ZNF675: variants seen among roughly 807,000 people sequenced by gnomAD.
ZNF675 encodes the protein zinc finger protein 675.
A neutral mutation model predicts 56.1 loss-of-function variants in ZNF675; 36 were observed. The ratio of observed to expected loss-of-function variants is 0.64; its 90% confidence interval spans 0.49 to 0.85. The LOEUF (loss-of-function observed/expected upper bound fraction) is 0.85. ZNF675 is among the 40% of genes least tolerant of loss of function. The pLI, the probability that ZNF675 is intolerant of heterozygous loss-of-function variation, is 0.00. For missense variants in ZNF675, 663 were observed against 654.2 expected (o/e 1.01, Z -0.15); for synonymous variants, 200 against 218.9 (o/e 0.91, Z 0.76).
At position 23,653,769 on chromosome 19, in the gene ZNF675, T is replaced by A. The variant is rs139966799; in HGVS notation, c.1164A>T (p.Lys388Asn). The A allele has an allele frequency of 5.0e-6, 8 of 1,613,852 alleles. No homozygotes were observed. Among genetic ancestry groups the A allele is most frequent in the Non-Finnish European group, 6.8e-6 (8 of 1,179,978 alleles). The stretch of plus-strand genomic sequence containing the variant: ...TGTAGGGTTTCTCTTCGGTATGAAT[T>A]TTCCTATGTTCCGTAAGATTTGAGG... Reference protein sequence around the residue: ...NRSSNLTEHRKIHTEEKPYKC... With the variant: ...NRSSNLTEHRNIHTEEKPYKC... The change falls in exon 4 of 4, where the codon AAA (lysine) becomes AAT (asparagine). Residue 388 changes from lysine (K) to asparagine (N), a missense_variant. By Grantham distance (94) the Lys-to-Asn change is moderately conservative. This residue lies in a region of ZNF675 where 617 missense variants were observed against 590.5 expected (regional missense o/e 1.04). Transcript: ENST00000359788.
intron 3 of ZNF675, among the ~76,000 whole-genome samples, chr19:23,657,873 G>A (rs1968008410): frequency 2.0e-5 from 3 of 152,074 alleles, no homozygotes; most frequent in South Asian, 2.1e-4. Flanking sequence ...GATTGGGATA[G>A]ATATGTGGCT....
At chr19:23,656,572 G>A (rs1279256441) in intron 3 of ZNF675, 3 of 151,798 alleles carry the variant, frequency 2.0e-5, no homozygotes, top group Non-Finnish European at 4.4e-5. Flanking sequence ...ACTCCAGCCT[G>A]GGTGACAAAA....
chr19:23,653,150 T>C lies in ZNF675; in HGVS notation c.*76A>G. On this transcript the variant is annotated 3_prime_UTR_variant, in exon 4 of 4. Transcript: ENST00000359788. ...ACCATTTAAAGTCTTTGACACATTC[T>C]TTACATTTCTAGAATTTTTCACCAG... 7.4e-7 allele frequency: 1 copy of C among 1,348,042 alleles called. No individual in the cohort carries two copies. 83.5% of individuals were successfully genotyped at this position (1,348,042 alleles called of 1,614,324 possible). A position where few individuals can be genotyped will look rare whatever the true frequency, so the allele number is the denominator to read the frequency against.
intron 1 of ZNF675, among the ~76,000 whole-genome samples, chr19:23,670,034 G>A (rs1381224341): frequency 6.6e-6 from 1 of 151,926 alleles, no homozygotes; most frequent in Admixed American, 6.6e-5. Flanking sequence ...CCAGGGAGAT[G>A]CCCCAGGAAA....
At chr19:23,677,085 A>AG (rs1968307103) in intron 1 of ZNF675, among the ~76,000 whole-genome samples, 2 of 28,338 alleles carry the variant, frequency 7.1e-5, no homozygotes, top group South Asian at 4.2e-3. Flanking sequence ...AGAAAAAAAA[A>AG]AAAAAGAGAA....
At chr19:23,663,684 TCCAGCGTGGGCAACAAGAGTGAGA>T (rs1361055285) in intron 1 of ZNF675, among the ~76,000 whole-genome samples, 2 of 152,162 alleles carry the variant, frequency 1.3e-5, no homozygotes, top group Non-Finnish European at 1.5e-5. Context: ...ACCATTGCAC[TCCAGCGTGGGCAACAAGAGTGAGA>T]CTCCATCTCA....
In ZNF675 at chr19:23,653,005, C is replaced by A. The variant is rs73029757; in HGVS notation, c.*221G>T. 19 of 424,670 alleles carry A rather than the reference C, an allele frequency of 4.5e-5. No individual in the cohort carries two copies. The highest frequency in any genetic ancestry group is 7.8e-5 in the Non-Finnish European group (19 of 243,076). 26.3% of individuals were successfully genotyped at this position (424,670 alleles called of 1,614,324 possible). On this transcript the variant is annotated 3_prime_UTR_variant, in exon 4 of 4. Transcript: ENST00000359788. Reference sequence around the variant, plus strand: ...CACTCTTTATATTTGTACAATTTTTCTTAAGTATAAACGCTTTCCTGTGCA... The same window carrying A: ...CACTCTTTATATTTGTACAATTTTTATTAAGTATAAACGCTTTCCTGTGCA...
chr19:23,662,514 G>A (rs1170339695), intron 2 of ZNF675, among the ~76,000 whole-genome samples: 1 of 152,172 alleles, frequency 6.6e-6, no homozygotes, highest in Non-Finnish European at 1.5e-5. Flanking sequence ...GATCAGCTCA[G>A]GAATGTGTTA....
chr19:23,682,870 G>A lies in ZNF675; in HGVS notation c.3+4161C>T, dbSNP rs1046190644. ...TATCTACACCTTTCAAACAATTAAA[G>A]TATTATTTTATTATTTATTTTAAAA... On this transcript the variant is annotated intron_variant, in intron 1 of 3. Transcript: ENST00000359788. 9.4e-4 allele frequency among the ~76,000 whole-genome samples: 143 copies of A among 151,676 alleles called. 3 individuals are homozygous for A. Among genetic ancestry groups the A allele is most frequent in the African/African-American group, 3.4e-3 (141 of 41,094 alleles).
chr19:23,677,822 TAAAG>T (rs1968319076), intron 1 of ZNF675, among the ~76,000 whole-genome samples: 1 of 151,066 alleles, frequency 6.6e-6, no homozygotes, highest in Non-Finnish European at 1.5e-5. Flanking sequence ...AAACACTTCT[TAAAG>T]AAGTCAGAGA....
rs374671950 is a variant in ZNF675, at chr19:23,654,363, A to C, written c.570T>G (p.His190Gln). 4 of 1,612,064 alleles carry C rather than the reference A, an allele frequency of 2.5e-6. No homozygotes were observed. The highest frequency in any genetic ancestry group is 2.7e-5 in the African/African-American group (2 of 74,860). Reference protein sequence around the residue: ...SFCMLSHLTRHERNYTKVNFC... With the variant: ...SFCMLSHLTRQERNYTKVNFC... ...AATTCACCTTGGTATAATTTCTTTCATGTCGAGTTAGGTGTGAAAGCATGC... is the reference window on the plus strand; with the variant it reads ...AATTCACCTTGGTATAATTTCTTTCCTGTCGAGTTAGGTGTGAAAGCATGC... The change falls in exon 4 of 4, where the codon CAT (histidine) becomes CAG (glutamine). Residue 190 changes from histidine to glutamine, a missense_variant. Physicochemically the swap from His to Gln is conservative, Grantham distance 24. Coordinates refer to ENST00000359788, the MANE Select transcript of ZNF675 (RefSeq NM_138330.3).
intron 1 of ZNF675, among the ~76,000 whole-genome samples, chr19:23,680,297 C>T (rs983134353): frequency 3.3e-5 from 5 of 151,194 alleles, no homozygotes; most frequent in South Asian, 2.1e-4. Flanking sequence ...AGCCAGACTC[C>T]GTCTCAAAAA....
chr19:23,672,482 T>A (rs948970131), intron 1 of ZNF675, among the ~76,000 whole-genome samples: 5 of 152,210 alleles, frequency 3.3e-5, no homozygotes, highest in African/African-American at 1.2e-4. Context: ...GTTTTAATAT[T>A]TCCATGTTGA....
intron 1 of ZNF675, 72 bp downstream of exon 1, chr19:23,686,959 C>G: frequency 6.3e-7 from 1 of 1,590,084 alleles, no homozygotes; most frequent in Admixed American, 1.7e-5. Flanking sequence ...GCCTGAGTCC[C>G]GCCATAGCCA....
chr19:23,673,603 C>T (rs974378784), intron 1 of ZNF675, among the ~76,000 whole-genome samples: 1 of 152,070 alleles, frequency 6.6e-6, no homozygotes, highest in African/African-American at 2.4e-5. Context: ...CTGGTTGGCA[C>T]CTTATATGTT....
At chr19:23,677,909 C>T (rs1156309649) in intron 1 of ZNF675, among the ~76,000 whole-genome samples, 3 of 151,514 alleles carry the variant, frequency 2.0e-5, no homozygotes, top group African/African-American at 4.9e-5. Flanking sequence ...CACCTGAGGT[C>T]GGGAGTTTGA....
Position 23,674,575 on chromosome 19 carries a change from G to A in ZNF675, c.4-11417C>T, listed in dbSNP as rs539031325. Among the ~76,000 whole-genome samples the A allele has an allele frequency of 3.8e-3, 566 of 150,214 alleles. 3 individuals are homozygous for A. Among genetic ancestry groups the A allele is most frequent in the Non-Finnish European group, 6.1e-3 (411 of 67,708 alleles). The stretch of plus-strand genomic sequence containing the variant: ...GGAGAATCACTTGAACCCAGGAGAC[G>A]GAGGTTGCAGTGAGCCTGGTCGACA... On this transcript the variant is annotated intron_variant, in intron 1 of 3. Coordinates refer to ENST00000359788, the MANE Select transcript of ZNF675 (RefSeq NM_138330.3).
Position 23,653,051 on chromosome 19 carries a change from A to T in ZNF675, c.*175T>A. 1 of 609,306 alleles carries T rather than the reference A, an allele frequency of 1.6e-6. No homozygotes were observed. The highest frequency in any genetic ancestry group is 2.7e-6 in the Non-Finnish European group (1 of 368,964). 37.7% of individuals were successfully genotyped at this position (609,306 alleles called of 1,614,324 possible). ...GTGCAATAAGGTTTGAGCCTTAATT[A>T]ACAGTATTGCCAAATTCTTCACACT... On this transcript the variant is annotated 3_prime_UTR_variant, in exon 4 of 4. Transcript: ENST00000359788.
rs200783142 is a variant in ZNF675 at position 23,674,843 on chromosome 19, A to G, written c.4-11685T>C. Among the ~76,000 whole-genome samples, 9 of 149,962 alleles carry G rather than the reference A, an allele frequency of 6.0e-5. No individual in the cohort carries two copies. The East Asian group carries it at 1.8e-3, about 30-fold the overall frequency. ...AATTATTAGCTGGGCATGGTGGCAC[A>G]TGCCTGTAATCCCAGCTACTTGGGA... On this transcript the variant is annotated intron_variant, in intron 1 of 3. Transcript: ENST00000359788.
Sources: gnomAD v4.1 joint callset for allele counts (sites outside exome capture counted in the v4.1 genomes callset) on GRCh38, gnomAD v4.1.1 for gene constraint, gnomAD v4.1.1 regional missense constraint, MANE v1.5 for transcripts, NCBI Gene and HGNC (gene_info 2026-07-23, HGNC 2026-07-21) for gene names.